The following RPS16 variants were observed in gnomAD, a reference collection of about 807,000 sequenced individuals.
The protein encoded by RPS16 is ribosomal protein S16.
A neutral mutation model predicts 20.1 loss-of-function variants in RPS16; 2 were observed. The ratio of observed to expected loss-of-function variants is 0.10; its 90% CI spans 0.04 to 0.31. The LOEUF (loss-of-function observed/expected upper bound fraction) is 0.31. Ranked by LOEUF, RPS16 falls within the 10% of genes least tolerant of loss-of-function variation. RPS16 has a pLI of 1.00. For missense variants in RPS16, 129 were observed against 198.6 expected, an observed-to-expected ratio of 0.65 and a Z score of 2.11; for synonymous variants, 95 against 76.1, an observed-to-expected ratio of 1.25 and a Z score of -1.29.
At chr19:39,433,494 C>A (rs1388906605) in intron 4 of RPS16, 28 bp downstream of exon 4, 1 of 1,613,290 alleles carries the variant, frequency 6.2e-7, no homozygotes, top group Admixed American at 1.7e-5. Flanking sequence ...ACCCATCTAC[C>A]TCATGGGAAG....
intron 2 of RPS16, 104 bp downstream of exon 2, chr19:39,435,503 A>C (rs943786704): frequency 1.2e-5 from 11 of 883,182 alleles, no homozygotes; most frequent in Non-Finnish European, 1.8e-5. Flanking sequence ...CACAACTTCT[A>C]AACATCCCGT....
chr19:39,433,827 C>G, intron 2 of RPS16, 66 bp from the exon 3 acceptor site: 2 of 1,495,210 alleles, frequency 1.3e-6, no homozygotes, highest in Non-Finnish European at 1.8e-6. Context: ...TCTCACTGGG[C>G]TTCTTGTTTC....
In RPS16 at chr19:39,435,722, G is replaced by C. The variant is rs552713032; in HGVS notation, c.49-14C>G. 2 of 1,612,568 alleles carry C rather than the reference G, an allele frequency of 1.2e-6. No individual in the cohort carries two copies. The highest frequency in any genetic ancestry group is 1.3e-5 in the African/African-American group (1 of 75,058). On this transcript the variant is annotated splice_polypyrimidine_tract_variant and intron_variant, in intron 1 of 4. Coordinates refer to ENST00000251453, the MANE Select transcript of RPS16 (RefSeq NM_001020.6). ...TGTCGCTGTCTTCTGTAAGATACAA[G>C]AGAAACAGGGGCCCCGTGAGCTCCG... is the stretch of plus-strand genomic sequence containing the variant.
At position 39,435,661 on chromosome 19, in the gene RPS16, G is replaced by C. The variant is rs2078857749; in HGVS notation, c.96C>G (p.Ile32Met). 2 of 1,613,980 alleles carry C rather than the reference G, an allele frequency of 1.2e-6. No individual in the cohort carries two copies. Among genetic ancestry groups the C allele is most frequent in the African/African-American group, 2.7e-5 (2 of 74,928 alleles). Residue 32 changes from isoleucine (I) to methionine (M), a missense_variant, in exon 2 of 5, where the codon ATC (isoleucine) becomes ATG (methionine). Ile to Met is a conservative substitution (Grantham distance 10, BLOSUM62 1). Transcript: ENST00000251453. ...TCTCCAGGGGCCGCCCGTTCACCTTGATGAGACCATTGCCGCGTTTGCAGT... is the reference window on the plus strand; with the variant it reads ...TCTCCAGGGGCCGCCCGTTCACCTTCATGAGACCATTGCCGCGTTTGCAGT... Reference protein sequence around the residue: ...VAHCKRGNGLIKVNGRPLEMI... With the variant: ...VAHCKRGNGLMKVNGRPLEMI...
rs982569490 is a variant in RPS16, at chr19:39,433,947, G to A, written c.151-186C>T. 1.0e-5 allele frequency: 6 copies of A among 593,162 alleles called. No individual in the cohort carries two copies. The Admixed American group carries it at 1.2e-4, about 12-fold the overall frequency. The allele number at this position is 593,162 out of a possible 1,614,324, so 36.7% of individuals were successfully genotyped here. On this transcript the variant is annotated intron_variant, in intron 2 of 4. Coordinates refer to ENST00000251453, the MANE Select transcript of RPS16 (RefSeq NM_001020.6). ...GAGGAAAGTCAAAAAAGCCAGATAT[G>A]AGACTGCTGAAGTGGTGTTAAGAAA...
rs73547999 is a variant in RPS16, at chr19:39,435,909, G to C, written c.-14C>G. 1.9e-6 allele frequency: 3 copies of C among 1,603,962 alleles called. No individual in the cohort carries two copies. Among genetic ancestry groups the C allele is most frequent in the South Asian group, 2.2e-5 (2 of 91,080 alleles). On this transcript the variant is annotated 5_prime_UTR_variant, in exon 1 of 5. Coordinates refer to ENST00000251453, the MANE Select transcript of RPS16 (RefSeq NM_001020.6). ...CTTGGACGGCATGGCTCCGAGCGTG[G>C]ACTAGACAACCTCACCGCGCGGCGC...
chr19:39,435,549 A>G (rs2078856615), intron 2 of RPS16, 58 bp downstream of exon 2: 1 of 1,439,288 alleles, frequency 6.9e-7, no homozygotes, highest in Non-Finnish European at 9.7e-7. Flanking sequence ...CAAGAGCTAC[A>G]ACATCTCTGT....
chr19:39,435,806 C>A (rs753731583), intron 1 of RPS16, 42 bp downstream of exon 1: 2 of 1,609,332 alleles, frequency 1.2e-6, no homozygotes, highest in Non-Finnish European at 1.7e-6. Context: ...CAGACCCTGG[C>A]CTTCTCCTTC....
chr19:39,434,681 C>A (rs564891349), intron 2 of RPS16: 5 of 152,178 alleles, frequency 3.3e-5, no homozygotes, highest in Non-Finnish European at 5.9e-5. Flanking sequence ...ATGAGCCAGG[C>A]GTGGTGATGT....
rs372013010 is a variant in RPS16, at chr19:39,435,711, G to T, written c.49-3C>A. The T allele has an allele frequency of 1.2e-6, 2 of 1,613,190 alleles. No individual in the cohort carries two copies. Among genetic ancestry groups the T allele is most frequent in the South Asian group, 1.1e-5 (1 of 91,092 alleles). On this transcript the variant is annotated splice_region_variant and splice_polypyrimidine_tract_variant and intron_variant, in intron 1 of 4. Coordinates refer to ENST00000251453, the MANE Select transcript of RPS16 (RefSeq NM_001020.6). ...TGCGCCACAGCTGTCGCTGTCTTCT[G>T]TAAGATACAAGAGAAACAGGGGCCC...
At chr19:39,434,416 A>G (rs74712803) in intron 2 of RPS16, 26,993 of 154,794 alleles carry the variant, frequency 0.17, 2,522 homozygotes, top group East Asian at 0.37. Context: ...CAAGACCTTA[A>G]GTCATCTGGA....
chr19:39,433,365 G>A lies in RPS16; in HGVS notation c.349C>T (p.Arg117Trp). The change falls in exon 5 of 5, where the codon CGG (arginine) becomes TGG (tryptophan). Residue 117 changes from arginine (R) to tryptophan (W), a missense_variant. Arg to Trp is a moderately radical substitution (Grantham distance 101). This residue lies in a region of RPS16 where 12 missense variants were observed against 47.2 expected (regional missense o/e 0.25). Coordinates refer to ENST00000251453, the MANE Select transcript of RPS16 (RefSeq NM_001020.6). The stretch of plus-strand genomic sequence containing the variant: ...CGAGGGTCAGCTACCAGCAGGGTCC[G>A]GTCATACTGGATGAGGATGTCTTTG... Reference protein sequence around the residue: ...EIKDILIQYDRTLLVADPRRC... With the variant: ...EIKDILIQYDWTLLVADPRRC... The A allele has an allele frequency of 6.2e-7, 1 of 1,614,062 alleles. No homozygotes were observed.
At chr19:39,435,235 G>A (rs1206897932) in intron 2 of RPS16, 3 of 207,404 alleles carry the variant, frequency 1.4e-5, no homozygotes, top group Non-Finnish European at 2.0e-5. Context: ...GGAGGCGAAG[G>A]TTGCAGTGAT....
chr19:39,435,488 C>T, intron 2 of RPS16, 119 bp downstream of exon 2: 1 of 765,630 alleles, frequency 1.3e-6, no homozygotes. Context: ...CTGTTCTACA[C>T]CCAACACAAC....
At position 39,433,556 on chromosome 19, in the gene RPS16, G is replaced by A. The variant is rs2078842243; in HGVS notation, c.261C>T (p.Ser87=). Residue 87 remains serine, a synonymous_variant, in exon 4 of 5, where the codon TCC becomes TCT. Coordinates refer to ENST00000251453, the MANE Select transcript of RPS16 (RefSeq NM_001020.6). The stretch of plus-strand genomic sequence containing the variant: ...AATAGGCCACCAGGGCTTTGGAGAT[G>A]GACTGACGGATAGCTGTGAGAAAGA... ...HVAQIYAIRQ[S]ISKALVAYYQ... is the part of the protein sequence containing the mutation. 6.2e-7 allele frequency: 1 copy of A among 1,614,218 alleles called. No homozygotes were observed. The highest frequency in any genetic ancestry group is 1.3e-5 in the African/African-American group (1 of 75,048).
At position 39,433,195 on chromosome 19, in the gene RPS16, G is replaced by A. The variant is rs1186686143; in HGVS notation, c.*78C>T. On this transcript the variant is annotated 3_prime_UTR_variant, in exon 5 of 5. Transcript: ENST00000251453. Reference sequence around the variant, plus strand: ...TTAAACATCCAATACCAACACATAAGGCCACACACAGTTCTTGAAACTTTA... The same window carrying A: ...TTAAACATCCAATACCAACACATAAAGCCACACACAGTTCTTGAAACTTTA... 1.4e-6 allele frequency: 2 copies of A among 1,435,772 alleles called. No individual in the cohort carries two copies. The highest frequency in any genetic ancestry group is 1.9e-6 in the Non-Finnish European group (2 of 1,030,686). The allele number at this position is 1,435,772 out of a possible 1,614,324, so 88.9% of individuals were successfully genotyped here.
intron 2 of RPS16, 76 bp downstream of exon 2, chr19:39,435,531 C>A (rs566137835): frequency 2.4e-6 from 3 of 1,251,750 alleles, no homozygotes; most frequent in Non-Finnish European, 3.4e-6. Context: ...GCCAGCCCCC[C>A]CAGCTTTCAA....
At chr19:39,433,940 C>T in intron 2 of RPS16, 179 bp from the exon 3 acceptor site, 1 of 604,010 alleles carries the variant, frequency 1.7e-6, no homozygotes, top group Non-Finnish European at 2.9e-6. Flanking sequence ...TCAAAAAAGC[C>T]AGATATGAGA....
chr19:39,433,690 A>C lies in RPS16; in HGVS notation c.222T>G (p.Gly74=). ...CATAAATCTGGGCCACGTGACCACCACCCTTTACACGGACACGGATGTCTA... is the reference window on the plus strand; with the variant it reads ...CATAAATCTGGGCCACGTGACCACCCCCCTTTACACGGACACGGATGTCTA... ...AGVDIRVRVK[G]GGHVAQIYAI... Residue 74 remains glycine, a synonymous_variant, in exon 3 of 5, where the codon GGT becomes GGG. Coordinates refer to ENST00000251453, the MANE Select transcript of RPS16 (RefSeq NM_001020.6). 1 of 1,614,068 alleles carries C rather than the reference A, an allele frequency of 6.2e-7. No homozygotes were observed. Among genetic ancestry groups the C allele is most frequent in the Non-Finnish European group, 8.5e-7 (1 of 1,179,980 alleles).
Sources: gnomAD v4.1 joint callset for allele counts on GRCh38, gnomAD v4.1.1 for gene constraint, gnomAD v4.1.1 regional missense constraint, MANE v1.5 for transcripts, NCBI Gene and HGNC (gene_info 2026-07-23, HGNC 2026-07-21) for gene names.